CASR: variants seen among roughly 807,000 people sequenced by gnomAD.
CASR encodes the protein calcium sensing receptor.
In CASR, 23 loss-of-function variants were observed where a neutral mutation model predicts 69.1. The observed-to-expected ratio is 0.33, with a 90% CI of 0.24 to 0.47. CASR has a LOEUF of 0.47. Ranked by LOEUF, CASR falls within the 20% of genes least tolerant of loss-of-function variation. The pLI is 1.00. For missense variants in CASR, 924 were observed against 1,356.1 expected (o/e 0.68, Z 5.00); for synonymous variants, 541 against 544.7 (o/e 0.99, Z 0.10).
At chr3:122,238,231 A>G (rs748811735) in intron 1 of CASR, among the ~76,000 whole-genome samples, 4 of 152,166 alleles carry the variant, frequency 2.6e-5, no homozygotes, top group Non-Finnish European at 5.9e-5. Context: ...GGTGCAAGAG[A>G]AAATCTGTGC....
chr3:122,265,323 C>T (rs933219082), intron 4 of CASR, among the ~76,000 whole-genome samples: 4 of 152,078 alleles, frequency 2.6e-5, no homozygotes, highest in African/African-American at 9.7e-5. Flanking sequence ...ATTTATCAGT[C>T]AACTCATATG....
intron 1 of CASR, among the ~76,000 whole-genome samples, chr3:122,225,847 G>C (rs1295438013): frequency 2.0e-5 from 3 of 152,174 alleles, no homozygotes; most frequent in Non-Finnish European, 4.4e-5. Context: ...TGGTGGACTG[G>C]ATAAAGAAAA....
intron 1 of CASR, among the ~76,000 whole-genome samples, chr3:122,225,796 C>G (rs530074159): frequency 2.0e-5 from 3 of 152,160 alleles, no homozygotes; most frequent in Non-Finnish European, 2.9e-5. Context: ...CAGCAGTATT[C>G]ACAAGAGCAA....
chr3:122,191,490 T>G (rs968090399), intron 1 of CASR, among the ~76,000 whole-genome samples: 1 of 151,512 alleles, frequency 6.6e-6, no homozygotes, highest in African/African-American at 2.4e-5. Context: ...TTTTGTGTTT[T>G]TAGTAGAGAC....
chr3:122,188,099 G>C (rs1047300935), intron 1 of CASR, among the ~76,000 whole-genome samples: 1 of 152,186 alleles, frequency 6.6e-6, no homozygotes, highest in African/African-American at 2.4e-5. Context: ...GTTTTACATA[G>C]AGGAGTGACT....
intron 1 of CASR, among the ~76,000 whole-genome samples, chr3:122,201,366 A>G (rs1201538542): frequency 6.6e-6 from 1 of 152,220 alleles, no homozygotes; most frequent in East Asian, 1.9e-4. Flanking sequence ...CTTTCCCAGT[A>G]CAGAACAAAA....
chr3:122,215,383 G>C (rs776236194), intron 1 of CASR, among the ~76,000 whole-genome samples: 1 of 152,176 alleles, frequency 6.6e-6, no homozygotes, highest in Non-Finnish European at 1.5e-5. Flanking sequence ...AAAGATGACA[G>C]CCATCTATCT....
intron 1 of CASR, among the ~76,000 whole-genome samples, chr3:122,245,784 G>T (rs1011249422): frequency 6.6e-6 from 1 of 152,132 alleles, no homozygotes; most frequent in Non-Finnish European, 1.5e-5. Context: ...TAATGAGGAT[G>T]TATCACCAAC....
chr3:122,238,264 C>T (rs2074348146), intron 1 of CASR, among the ~76,000 whole-genome samples: 1 of 152,132 alleles, frequency 6.6e-6, no homozygotes, highest in Admixed American at 6.5e-5. Flanking sequence ...GAGAGCACAG[C>T]GACTGGGCCA....
In CASR at chr3:122,291,062, T is replaced by C. The variant is rs2075008639; in HGVS notation, c.*5871T>C. 6.8e-6 allele frequency: 1 copy of C among 147,956 alleles called. No homozygotes were observed. The allele number at this position is 147,956 out of a possible 1,614,324, so 9.2% of individuals were successfully genotyped here. ...TGTCCCTACAAAGGACACGAACTCC[T>C]CATTTTTTATGGCTGCATAGTATTC... On this transcript the variant is annotated 3_prime_UTR_variant, in exon 7 of 7. Coordinates refer to ENST00000639785, the MANE Select transcript of CASR (RefSeq NM_000388.4).
rs557676527 is a variant in CASR at position 122,285,162 on chromosome 3, A to T, written c.3208A>T (p.Thr1070Ser). 1.9e-6 allele frequency: 3 copies of T among 1,614,056 alleles called. No individual in the cohort carries two copies. Among genetic ancestry groups the T allele is most frequent in the Non-Finnish European group, 2.5e-6 (3 of 1,180,046 alleles). ...CTTTGTCATCAGTGGTGGAGGCAGC[A>T]CTGTTACAGAAAACGTAGTGAATTC... ...QSFVISGGGS[T>S]VTENVVNS is the part of the protein sequence containing the mutation. Residue 1070 changes from threonine (T) to serine (S), a missense_variant, in exon 7 of 7, where the codon ACT (threonine) becomes TCT (serine). Thr to Ser is a moderately conservative substitution (Grantham distance 58). Around this residue, in one of 8 missense-constraint regions of CASR, gnomAD observed 201 missense variants for 228.8 expected, o/e 0.88. Transcript: ENST00000639785.
chr3:122,184,313 C>T, intron 1 of CASR: 1 of 153,296 alleles, frequency 6.5e-6, no homozygotes, highest in Non-Finnish European at 1.5e-5. Context: ...GGGGCCGCAG[C>T]GGCCGCCCAG....
At chr3:122,248,611 T>A (rs1457828285) in intron 1 of CASR, among the ~76,000 whole-genome samples, 4 of 150,984 alleles carry the variant, frequency 2.6e-5, no homozygotes, top group African/African-American at 9.7e-5. Context: ...ACCTAGAATT[T>A]TTTTTTTTTT....
intron 5 of CASR, among the ~76,000 whole-genome samples, chr3:122,277,370 T>C (rs1033276744): frequency 1.3e-5 from 2 of 152,092 alleles, no homozygotes; most frequent in African/African-American, 4.8e-5. Context: ...TTTTATAACA[T>C]AACCAAAGAC....
chr3:122,253,848 G>A (rs753310784), intron 1 of CASR, 100 bp from the exon 2 acceptor site: 6 of 333,750 alleles, frequency 1.8e-5, no homozygotes, highest in Non-Finnish European at 2.9e-5. Context: ...CCACCCCTAG[G>A]CCCCTCTAAA....
intron 1 of CASR, among the ~76,000 whole-genome samples, chr3:122,222,163 G>A (rs1477188133): frequency 2.6e-5 from 4 of 152,184 alleles, no homozygotes; most frequent in African/African-American, 9.7e-5. Context: ...AAGGGGACTG[G>A]AAGAGGCCCT....
intron 4 of CASR, 39 bp from the exon 5 acceptor site, chr3:122,275,773 C>A: frequency 7.4e-7 from 1 of 1,355,846 alleles, no homozygotes; most frequent in Non-Finnish European, 1.1e-6. Context: ...TTCTATGTGG[C>A]AGCCCTGGGG....
At chr3:122,264,888 G>A (rs1264605427) in intron 4 of CASR, among the ~76,000 whole-genome samples, 3 of 152,114 alleles carry the variant, frequency 2.0e-5, no homozygotes, top group Admixed American at 2.0e-4. Context: ...AGATCTATAT[G>A]GAAACTTATC....
chr3:122,215,171 T>C (rs181588560), intron 1 of CASR, among the ~76,000 whole-genome samples: 1 of 152,360 alleles, frequency 6.6e-6, no homozygotes, highest in Admixed American at 6.5e-5. Context: ...ATGGGTGAAC[T>C]AAGGGCACAG....
Sources: allele counts gnomAD v4.1 joint callset (sites outside exome capture counted in the v4.1 genomes callset), GRCh38; gene constraint gnomAD v4.1.1; regional missense constraint gnomAD v4.1.1; transcripts MANE v1.5; gene names NCBI Gene and HGNC (gene_info 2026-07-23, HGNC 2026-07-21).